SSH1: variants seen among roughly 807,000 people sequenced by gnomAD.
SSH1 encodes the protein protein phosphatase Slingshot homolog 1.
Under a neutral mutation model 79.7 loss-of-function variants are expected in SSH1, and 43 were observed. The observed-to-expected ratio is 0.54, with a 90% CI of 0.42 to 0.70. The LOEUF is 0.70. SSH1 is among the 30% of genes least tolerant of loss of function. SSH1 has a pLI of 0.00. For synonymous variants in SSH1, 599 were observed against 538.3 expected, an observed-to-expected ratio of 1.11 and a Z score of -1.56; for missense variants, 1,206 against 1,358.8, an observed-to-expected ratio of 0.89 and a Z score of 1.77.
At position 108,785,544 on chromosome 12, in the gene SSH1, TCA is replaced by T; in HGVS notation, c.*2442_*2443del. On this transcript the variant is annotated 3_prime_UTR_variant, in exon 15 of 15. Transcript: ENST00000326495. ...TATTAAGCATCAAGTCCAGAATGCT[TCA>T]CTCTGCTCTGTGGACGGGACCAGCG... 1 of 152,320 alleles carries T rather than the reference TCA, an allele frequency of 6.6e-6. No homozygotes were observed. Among genetic ancestry groups the T allele is most frequent in the South Asian group, 2.1e-4 (1 of 4,830 alleles). 9.4% of individuals were successfully genotyped at this position (152,320 alleles called of 1,614,324 possible). A position where few individuals can be genotyped will look rare whatever the true frequency, so the allele number is the denominator to read the frequency against.
chr12:108,845,021 G>A (rs1339940831), intron 2 of SSH1, among the ~76,000 whole-genome samples: 1 of 150,698 alleles, frequency 6.6e-6, no homozygotes, highest in East Asian at 2.0e-4. Flanking sequence ...AAAATTTGCA[G>A]GGTACACCTA....
At chr12:108,823,156 T>C in intron 3 of SSH1, 102 bp downstream of exon 3, 1 of 1,144,334 alleles carries the variant, frequency 8.7e-7, no homozygotes, top group Non-Finnish European at 1.3e-6. Context: ...GCGTCCACTA[T>C]GTCTAAGGCC....
At position 108,807,853 on chromosome 12, in the gene SSH1, G is replaced by A. The variant is rs2037365061; in HGVS notation, c.537-26C>T. On this transcript the variant is annotated intron_variant, in intron 7 of 14. Coordinates refer to ENST00000326495, the MANE Select transcript of SSH1 (RefSeq NM_018984.4). This position sits in a 1 kb window ranked among gnomAD's most constrained non-coding sequence, Gnocchi z 5.2. ...CTGGGGCGAGGAGAAGACAGGGTCA[G>A]GCCTGGGAAGGCACAAGAGATGCAG... The A allele has an allele frequency of 6.2e-7, 1 of 1,610,790 alleles. No homozygotes were observed. The highest frequency in any genetic ancestry group is 1.3e-5 in the African/African-American group (1 of 74,818).
intron 2 of SSH1, chr12:108,833,741 A>C (rs1205251467): frequency 6.6e-6 from 1 of 152,242 alleles, no homozygotes; most frequent in African/African-American, 2.4e-5. Flanking sequence ...GTGTTGACTG[A>C]ACACTTAAGA....
At chr12:108,831,354 G>A (rs542072939) in intron 2 of SSH1, among the ~76,000 whole-genome samples, 10 of 152,302 alleles carry the variant, frequency 6.6e-5, no homozygotes, top group Admixed American at 5.9e-4. Flanking sequence ...GGGTGCCAAC[G>A]AGCATTCCAA....
At chr12:108,839,531 C>A (rs1245114042) in intron 2 of SSH1, among the ~76,000 whole-genome samples, 2 of 152,140 alleles carry the variant, frequency 1.3e-5, no homozygotes, top group East Asian at 3.9e-4. Flanking sequence ...AAACACGCCT[C>A]GAGGACTCTT....
At chr12:108,812,555 G>A (rs752337623) in intron 5 of SSH1, among the ~76,000 whole-genome samples, 10 of 152,226 alleles carry the variant, frequency 6.6e-5, no homozygotes, top group Non-Finnish European at 2.9e-5. Context: ...GGCAGGCGGA[G>A]GTCAAGGGGG....
At chr12:108,790,588 G>A (rs1195439932) in intron 14 of SSH1, among the ~76,000 whole-genome samples, 1 of 152,166 alleles carries the variant, frequency 6.6e-6, no homozygotes, top group Non-Finnish European at 1.5e-5. Flanking sequence ...CTGGCCCAGG[G>A]TTTTATCTCA....
At chr12:108,796,105 G>T (rs190983629) in intron 13 of SSH1, among the ~76,000 whole-genome samples, 54 of 152,068 alleles carry the variant, frequency 3.6e-4, no homozygotes, top group African/African-American at 1.2e-3. Flanking sequence ...TAGTAGAGAC[G>T]GGGTTTAACC....
At chr12:108,808,218 G>A (rs1384680045) in intron 7 of SSH1, among the ~76,000 whole-genome samples, 7 of 152,328 alleles carry the variant, frequency 4.6e-5, no homozygotes, top group African/African-American at 1.4e-4. Flanking sequence ...GATTATAGGC[G>A]TGAGCCACCA....
rs2037203554 is a variant in SSH1 at position 108,804,962 on chromosome 12, C to T, written c.954+94G>A. On this transcript the variant is annotated intron_variant, in intron 10 of 14. Transcript: ENST00000326495. ...GGCTCTGGCAACTCAAGTTTTTTGC[C>T]TGCTTTTTCTCCCGGACTTGCTACA... 8.5e-6 allele frequency: 13 copies of T among 1,537,052 alleles called. No individual in the cohort carries two copies. The South Asian group carries it at 1.2e-4, about 14-fold the overall frequency.
At chr12:108,810,484 T>C (rs1271078667) in intron 6 of SSH1, among the ~76,000 whole-genome samples, 8 of 151,602 alleles carry the variant, frequency 5.3e-5, no homozygotes. Context: ...ATCGTACCAC[T>C]GCACTCCACC....
At position 108,807,661 on chromosome 12, in the gene SSH1, G is replaced by T. The variant is rs779058570; in HGVS notation, c.703C>A (p.Pro235Thr). The T allele has an allele frequency of 2.5e-5, 40 of 1,612,868 alleles. No individual in the cohort carries two copies. The highest frequency in any genetic ancestry group is 4.0e-5 in the African/African-American group (3 of 74,776). Residue 235 changes from proline (P) to threonine (T), a missense_variant, in exon 8 of 15, where the codon CCC (proline) becomes ACC (threonine). Physicochemically the swap from Pro to Thr is conservative, Grantham distance 38. Coordinates refer to ENST00000326495, the MANE Select transcript of SSH1 (RefSeq NM_018984.4). The surrounding 1 kb of genome is among the most constrained non-coding windows in gnomAD (Gnocchi z 5.2). ...NAMQDLESTR[P>T]DSPALFVDKP... ...TCCACAAATAGCGCGGGGGAGTCGG[G>T]CCGCGTAGACTCCAGGTCCTGCATG...
Position 108,788,436 on chromosome 12 carries a change from A to G in SSH1, c.2702T>C (p.Phe901Ser). The change falls in exon 15 of 15, where the codon TTC becomes TCC. Residue 901 changes from phenylalanine to serine, a missense_variant. Transcript: ENST00000326495. ...ACTGGTGTGGTCCAGGCGGTAGAAGAAAGGAGGGGGGCTCTTCAGTGAGCC... is the reference window on the plus strand; with the variant it reads ...ACTGGTGTGGTCCAGGCGGTAGAAGGAAGGAGGGGGGCTCTTCAGTGAGCC... The part of the protein sequence containing the change: ...EGGSLKSPPP[F>S]FYRLDHTSSF... 6.3e-7 allele frequency: 1 copy of G among 1,583,134 alleles called. No homozygotes were observed. Among genetic ancestry groups the G allele is most frequent in the Non-Finnish European group, 8.6e-7 (1 of 1,166,390 alleles).
chr12:108,809,032 C>A (rs2037437054), intron 7 of SSH1, among the ~76,000 whole-genome samples: 1 of 151,676 alleles, frequency 6.6e-6, no homozygotes, highest in Non-Finnish European at 1.5e-5. Context: ...CAGCATTTTG[C>A]CATGTTGGCC....
chr12:108,852,602 GAA>G, intron 2 of SSH1, 34 bp downstream of exon 2: 1 of 1,612,856 alleles, frequency 6.2e-7, no homozygotes, highest in Non-Finnish European at 8.5e-7. Flanking sequence ...CTGCTTGGGA[GAA>G]AGACTTAGGA....
intron 2 of SSH1, among the ~76,000 whole-genome samples, chr12:108,831,033 C>A (rs2038459576): frequency 6.6e-6 from 1 of 151,916 alleles, no homozygotes; most frequent in African/African-American, 2.4e-5. Context: ...GTGTGGAAGA[C>A]CAGACAGGCA....
chr12:108,808,876 C>G, intron 7 of SSH1, among the ~76,000 whole-genome samples: 1 of 143,494 alleles, frequency 7.0e-6, no homozygotes, highest in South Asian at 2.3e-4. Context: ...CTCCATCGCC[C>G]GGGCTGGAGT....
chr12:108,831,185 G>A (rs189472604), intron 2 of SSH1, among the ~76,000 whole-genome samples: 178 of 152,302 alleles, frequency 1.2e-3, no homozygotes, highest in Non-Finnish European at 2.1e-3. Context: ...GATGGGACAG[G>A]CTGAGACAAA....
Sources: gnomAD v4.1 joint callset for allele counts (sites outside exome capture counted in the v4.1 genomes callset) on GRCh38, gnomAD v4.1.1 for gene constraint, Gnocchi (gnomAD v3.1) non-coding constraint, MANE v1.5 for transcripts, NCBI Gene and HGNC (gene_info 2026-07-23, HGNC 2026-07-21) for gene names.